Variants in IL19 observed in about 807,000 individuals in gnomAD.
IL19 encodes the protein interleukin-19.
A neutral mutation model predicts 19.5 loss-of-function variants in IL19; 15 were observed. The ratio of observed to expected loss-of-function variants is 0.77; its 90% CI spans 0.52 to 1.19. The LOEUF (loss-of-function observed/expected upper bound fraction) is 1.19. Among genes scored for constraint, IL19 ranks in the 50% most tolerant of loss-of-function variants. The pLI is 0.00. For synonymous variants in IL19, 78 were observed against 78.3 expected (o/e 1.00, Z 0.02); for missense variants, 199 against 213.1 (o/e 0.93, Z 0.41).
rs554321251 is a variant in IL19, at chr1:206,791,399, T to A, written c.-148-7462T>A. Among the ~76,000 whole-genome samples, 192 of 151,660 alleles carry A rather than the reference T, an allele frequency of 1.3e-3. 1 individual carries two copies. Among genetic ancestry groups the A allele is most frequent in the Admixed American group, 3.9e-3 (59 of 15,224 alleles). On this transcript the variant is annotated intron_variant, in intron 1 of 6. Coordinates refer to ENST00000659997, the MANE Select transcript of IL19 (RefSeq NM_153758.5). ...CTCACTGCAACCTCCACCTCCTGGG[T>A]TCAAGCGGTTCTTCTGCCTCAGCCT...
intron 1 of IL19, among the ~76,000 whole-genome samples, chr1:206,781,298 G>T (rs921468499): frequency 2.6e-5 from 4 of 151,138 alleles, no homozygotes; most frequent in Non-Finnish European, 4.4e-5. Flanking sequence ...ACAAAAATTA[G>T]CTGGGCGTGG....
chr1:206,800,260 C>T (rs1373968832), intron 2 of IL19, among the ~76,000 whole-genome samples: 1 of 152,220 alleles, frequency 6.6e-6, no homozygotes, highest in Non-Finnish European at 1.5e-5. Flanking sequence ...CAGTCAACAC[C>T]GTTTCCTCTA....
chr1:206,816,856 T>A (rs1022055134), intron 2 of IL19, among the ~76,000 whole-genome samples: 1 of 152,180 alleles, frequency 6.6e-6, no homozygotes, highest in Non-Finnish European at 1.5e-5. Flanking sequence ...AGATATACTA[T>A]GCTAATGAAC....
chr1:206,806,264 A>G lies in IL19; in HGVS notation c.-3+7258A>G, dbSNP rs181569183. Among the ~76,000 whole-genome samples the G allele has an allele frequency of 1.9e-4, 29 of 152,312 alleles. No homozygotes were observed. The East Asian group carries it at 5.4e-3, about 28-fold the overall frequency. On this transcript the variant is annotated intron_variant, in intron 2 of 6. Transcript: ENST00000659997. ...CATATGGACTGCAAATAAGGGAAAT[A>G]TCATTTCCCAGAGGAAAATGGGGTT...
At position 206,818,817 on chromosome 1, in the gene IL19, C is replaced by CTTT. The variant is rs11373916; in HGVS notation, c.-2-17833_-2-17831dup. Among the ~76,000 whole-genome samples the CTTT allele has an allele frequency of 3.0e-4, 41 of 138,638 alleles. 3 individuals are homozygous for CTTT. Among genetic ancestry groups the CTTT allele is most frequent in the African/African-American group, 8.1e-4 (30 of 37,226 alleles). 91.0% of individuals were successfully genotyped at this position (138,638 alleles called of 152,430 possible). A position where few individuals can be genotyped will look rare whatever the true frequency, so the allele number is the denominator to read the frequency against. ...CTTTCTTTCTTTTTTCTTTTTCTTT[C>CTTT]TTTTTTTTTTTTTGAGGCAGAGTCT... On this transcript the variant is annotated intron_variant, in intron 2 of 6. Coordinates refer to ENST00000659997, the MANE Select transcript of IL19 (RefSeq NM_153758.5).
chr1:206,822,452 C>G (rs1297555197), intron 2 of IL19, among the ~76,000 whole-genome samples: 1 of 152,200 alleles, frequency 6.6e-6, no homozygotes, highest in African/African-American at 2.4e-5. Flanking sequence ...AGAGGCCTTT[C>G]CTGATCCTCA....
chr1:206,838,736 T>TTTCCCTTCCCTTCCCTTCCCTTCCC (rs528779104), intron 4 of IL19, among the ~76,000 whole-genome samples: 8 of 117,200 alleles, frequency 6.8e-5, no homozygotes, highest in Middle Eastern at 3.8e-3. Context: ...CTTCCCTTCC[T>TTTCCCTTCCCTTCCCTTCCCTTCCC]TTCCCTTCCC....
At chr1:206,772,541 G>A (rs1023277661) in intron 1 of IL19, 5 of 1,053,622 alleles carry the variant, frequency 4.7e-6, no homozygotes, top group South Asian at 1.3e-5. Context: ...GCTCAGGGAG[G>A]CCTCTTCATT....
At chr1:206,779,689 T>G (rs1248235498) in intron 1 of IL19, among the ~76,000 whole-genome samples, 1 of 152,218 alleles carries the variant, frequency 6.6e-6, no homozygotes, top group African/African-American at 2.4e-5. Flanking sequence ...CTTGGTCAAA[T>G]AAGGACTCAT....
chr1:206,826,815 C>T (rs1558619600), intron 2 of IL19, among the ~76,000 whole-genome samples: 2 of 152,168 alleles, frequency 1.3e-5, no homozygotes, highest in African/African-American at 2.4e-5. Context: ...TCTGCTGTTC[C>T]TTTGCTTGGA....
chr1:206,814,002 G>C (rs1341465007), intron 2 of IL19, among the ~76,000 whole-genome samples: 1 of 145,128 alleles, frequency 6.9e-6, no homozygotes, highest in East Asian at 1.9e-4. Context: ...TAGCCCCCAT[G>C]GTTGTATCAG....
chr1:206,778,954 T>C (rs1310087976), intron 1 of IL19, among the ~76,000 whole-genome samples: 1 of 152,216 alleles, frequency 6.6e-6, no homozygotes, highest in Non-Finnish European at 1.5e-5. Context: ...TATCTGTTGG[T>C]AGAAGAGCTG....
intron 2 of IL19, among the ~76,000 whole-genome samples, chr1:206,821,646 C>T (rs1464180731): frequency 1.3e-5 from 2 of 152,364 alleles, no homozygotes; most frequent in East Asian, 3.9e-4. Flanking sequence ...CCATTAGCTT[C>T]GCTCCTATTG....
intron 1 of IL19, among the ~76,000 whole-genome samples, chr1:206,788,371 G>T (rs1558608032): frequency 6.6e-6 from 1 of 152,036 alleles, no homozygotes; most frequent in Non-Finnish European, 1.5e-5. Context: ...ACTTCATATT[G>T]TTTCATTTTA....
At chr1:206,782,065 G>GCATATAGTTATATATACATATA (rs1675161991) in intron 1 of IL19, among the ~76,000 whole-genome samples, 1 of 65,510 alleles carries the variant, frequency 1.5e-5, no homozygotes, top group East Asian at 5.0e-4. Context: ...ATACATATAT[G>GCATATAGTTATATATACATATA]TGTAAACATT....
At chr1:206,784,230 G>C (rs895646268) in intron 1 of IL19, among the ~76,000 whole-genome samples, 1 of 152,072 alleles carries the variant, frequency 6.6e-6, no homozygotes, top group African/African-American at 2.4e-5. Context: ...ATAATCCAAG[G>C]GCTTGCCAGA....
At chr1:206,790,350 T>C (rs1345220369) in intron 1 of IL19, among the ~76,000 whole-genome samples, 1 of 152,110 alleles carries the variant, frequency 6.6e-6, no homozygotes, top group African/African-American at 2.4e-5. Context: ...GAAAAAAAAC[T>C]GAGCCCCATG....
chr1:206,771,390 A>G (rs756548976), intron 1 of IL19: 4 of 1,613,140 alleles, frequency 2.5e-6, no homozygotes, highest in Non-Finnish European at 3.4e-6. Flanking sequence ...CTTTAACAAC[A>G]AGTTGTCCAG....
intron 1 of IL19, among the ~76,000 whole-genome samples, chr1:206,785,661 A>G (rs567717549): frequency 2.8e-4 from 43 of 152,330 alleles, no homozygotes; most frequent in African/African-American, 9.6e-4. Context: ...GCAGAGTGTG[A>G]CAGAAGTTGA....
Sources: gnomAD v4.1 joint callset for allele counts (sites outside exome capture counted in the v4.1 genomes callset) on GRCh38, gnomAD v4.1.1 for gene constraint, MANE v1.5 for transcripts, NCBI Gene and HGNC (gene_info 2026-07-23, HGNC 2026-07-21) for gene names.